The following TUSC3 variants were observed in gnomAD, a reference collection of about 807,000 sequenced individuals.
TUSC3 encodes tumor suppressor candidate 3.
Under a neutral mutation model 44.8 loss-of-function variants are expected in TUSC3, and 45 were observed. The observed-to-expected ratio is 1.00, with a 90% CI of 0.79 to 1.29. The LOEUF (loss-of-function observed/expected upper bound fraction) is 1.29. Ranked by LOEUF, TUSC3 falls within the 50% of genes most tolerant of loss-of-function variation. The pLI, the probability that TUSC3 is intolerant of heterozygous loss-of-function variation, is 0.00. For synonymous variants in TUSC3, 212 were observed against 152.9 expected (o/e 1.39, Z -2.85); for missense variants, 519 against 437.9 (o/e 1.19, Z -1.65).
At chr8:15,448,732 T>C (rs1208575340) in intron 1 of TUSC3, among the ~76,000 whole-genome samples, 11 of 152,166 alleles carry the variant, frequency 7.2e-5, no homozygotes, top group Admixed American at 2.6e-4. Flanking sequence ...AATGTTTTAA[T>C]TGCAGCAAAA....
chr8:15,556,002 T>C (rs7820641), intron 1 of TUSC3, among the ~76,000 whole-genome samples: 3,623 of 151,222 alleles, frequency 0.024, 172 homozygotes, highest in African/African-American at 0.082. Flanking sequence ...TATTTTTTTA[T>C]TTTTTATTTT....
chr8:15,681,097 GA>G (rs1413042050), intron 6 of TUSC3, among the ~76,000 whole-genome samples: 2 of 150,128 alleles, frequency 1.3e-5, no homozygotes, highest in African/African-American at 4.9e-5. Context: ...TGGCTACATA[GA>G]ACGTGTTAGG....
At chr8:15,687,623 G>T (rs1039262168) in intron 6 of TUSC3, among the ~76,000 whole-genome samples, 1 of 152,026 alleles carries the variant, frequency 6.6e-6, no homozygotes, top group Non-Finnish European at 1.5e-5. Flanking sequence ...AATCTTGATT[G>T]CCAGCCCAGA....
At chr8:15,473,557 G>A (rs541128717) in intron 1 of TUSC3, among the ~76,000 whole-genome samples, 4 of 152,246 alleles carry the variant, frequency 2.6e-5, no homozygotes, top group East Asian at 1.9e-4. Flanking sequence ...CATAAGTGTC[G>A]GCTGGCTGAG....
intron 6 of TUSC3, among the ~76,000 whole-genome samples, chr8:15,713,432 G>C (rs184600658): frequency 6.6e-6 from 1 of 152,234 alleles, no homozygotes; most frequent in Admixed American, 6.5e-5. Context: ...GGCATTAGTG[G>C]CATCGATTAA....
intron 1 of TUSC3, among the ~76,000 whole-genome samples, chr8:15,422,337 A>G (rs1679598829): frequency 1.3e-5 from 2 of 152,194 alleles, no homozygotes; most frequent in South Asian, 2.1e-4. Context: ...TTAACCTAAT[A>G]CCACATGGTA....
intron 5 of TUSC3, among the ~76,000 whole-genome samples, chr8:15,672,844 G>A (rs538517208): frequency 1.8e-4 from 28 of 151,978 alleles, no homozygotes; most frequent in African/African-American, 3.4e-4. Flanking sequence ...TGCATTGCTC[G>A]TTCTTGTCTT....
intron 1 of TUSC3, among the ~76,000 whole-genome samples, chr8:15,474,126 C>T (rs1563260571): frequency 2.0e-5 from 3 of 152,128 alleles, no homozygotes; most frequent in African/African-American, 4.8e-5. Context: ...CTTACACGTC[C>T]ATTTATAGGC....
intron 1 of TUSC3, among the ~76,000 whole-genome samples, chr8:15,559,549 G>C (rs1290828423): frequency 7.1e-6 from 1 of 141,574 alleles, no homozygotes; most frequent in East Asian, 2.2e-4. Flanking sequence ...TTCTATTCCT[G>C]GGTATCCTTG....
upstream of TUSC3, among the ~76,000 whole-genome samples, chr8:15,536,079 C>T (rs962870153): frequency 6.6e-6 from 1 of 152,126 alleles, no homozygotes; most frequent in Non-Finnish European, 1.5e-5. Flanking sequence ...TTCCAGTGTG[C>T]CCCAGGGAAT....
intron 1 of TUSC3, among the ~76,000 whole-genome samples, chr8:15,432,827 C>G (rs2129117091): frequency 6.6e-6 from 1 of 151,988 alleles, no homozygotes; most frequent in East Asian, 1.9e-4. Flanking sequence ...ACATGGAAAA[C>G]TACAGAAGGC....
intron 9 of TUSC3, among the ~76,000 whole-genome samples, chr8:15,749,313 T>A (rs1457174527): frequency 6.6e-6 from 1 of 152,116 alleles, no homozygotes; most frequent in Non-Finnish European, 1.5e-5. Context: ...CAGTGGACAT[T>A]TTTAGAACGT....
chr8:15,535,910 G>T (rs969047372), upstream of TUSC3, among the ~76,000 whole-genome samples: 1 of 152,162 alleles, frequency 6.6e-6, no homozygotes, highest in African/African-American at 2.4e-5. Flanking sequence ...CCAACTCGTG[G>T]CCTGCGGGTT....
the TUSC3 span, among the ~76,000 whole-genome samples, chr8:15,785,091 A>G: frequency 6.6e-6 from 1 of 152,126 alleles, no homozygotes; most frequent in African/African-American, 2.4e-5. Flanking sequence ...GTGTTAATCC[A>G]CTAAAGAATG....
At chr8:15,418,652 A>C (rs1287885653) in intron 1 of TUSC3, among the ~76,000 whole-genome samples, 2 of 152,228 alleles carry the variant, frequency 1.3e-5, no homozygotes, top group African/African-American at 4.8e-5. Flanking sequence ...ATTGAAGTCA[A>C]CAAGGTTAAG....
intron 1 of TUSC3, among the ~76,000 whole-genome samples, chr8:15,543,874 T>C (rs1290113725): frequency 6.6e-6 from 1 of 151,512 alleles, no homozygotes; most frequent in Non-Finnish European, 1.5e-5. Context: ...AGGAAGAGAT[T>C]TGGTATCATA....
chr8:15,461,038 A>G (rs1012922003), intron 1 of TUSC3, among the ~76,000 whole-genome samples: 2 of 152,118 alleles, frequency 1.3e-5, no homozygotes, highest in East Asian at 1.9e-4. Context: ...TATGAATTTT[A>G]GAATTGTGTT....
the TUSC3 span, among the ~76,000 whole-genome samples, chr8:15,840,505 G>T: frequency 3.9e-5 from 6 of 152,244 alleles, no homozygotes; most frequent in South Asian, 6.2e-4. Flanking sequence ...AGCCTAGAAA[G>T]TTCAAAGATG....
intron 1 of TUSC3, among the ~76,000 whole-genome samples, chr8:15,479,453 T>C (rs978552474): frequency 9.9e-5 from 15 of 152,216 alleles, no homozygotes; most frequent in Non-Finnish European, 1.8e-4. Flanking sequence ...CTTGAGTTAA[T>C]TTTTGTGTAA....
Sources: allele counts gnomAD v4.1 joint callset (sites outside exome capture counted in the v4.1 genomes callset), GRCh38; gene constraint gnomAD v4.1.1; transcripts MANE v1.5; gene names NCBI Gene and HGNC (gene_info 2026-07-23, HGNC 2026-07-21).